NECAB2: variants seen among roughly 807,000 people sequenced by gnomAD.
NECAB2 encodes N-terminal EF-hand calcium binding protein 2.
In NECAB2, 68 loss-of-function variants were observed where a neutral mutation model predicts 51.9. The ratio of observed to expected loss-of-function variants is 1.31; its 90% CI spans 1.08 to 1.60. The LOEUF is 1.60. Ranked by LOEUF, NECAB2 falls within the 40% of genes most tolerant of loss-of-function variation. The pLI is 0.00. For synonymous variants in NECAB2, 329 were observed against 203.5 expected (o/e 1.62, Z -5.25); for missense variants, 854 against 490.3 (o/e 1.74, Z -7.00).
intron 6 of NECAB2, chr16:83,993,476 G>C (rs2084652013): frequency 6.5e-6 from 1 of 154,178 alleles, no homozygotes; most frequent in African/African-American, 2.4e-5. Context: ...CCGTGCACAG[G>C]GCACTCTGTG....
intron 6 of NECAB2, among the ~76,000 whole-genome samples, chr16:83,992,087 G>C (rs1430353396): frequency 6.6e-6 from 1 of 152,048 alleles, no homozygotes; most frequent in African/African-American, 2.4e-5. Flanking sequence ...CTTGAATCCT[G>C]AGGCTTGCCA....
At chr16:83,997,398 C>G (rs548840169) in intron 9 of NECAB2, 129 bp downstream of exon 9, 1 of 1,227,254 alleles carries the variant, frequency 8.1e-7, no homozygotes, top group Admixed American at 2.0e-5. Flanking sequence ...GAGATGTCGC[C>G]CAGCGCTTGG....
rs371448732 is a variant in NECAB2, at chr16:84,000,023, A to T, written c.963-701A>T. ...TGCCTCAGTGTCCTGCATCGCTGGG[A>T]TTACAGGGATGTGCCACCAGGCCCA... On this transcript the variant is annotated intron_variant, in intron 10 of 12. Coordinates refer to ENST00000305202, the MANE Select transcript of NECAB2 (RefSeq NM_019065.3). 3.8e-3 allele frequency among the ~76,000 whole-genome samples: 578 copies of T among 151,144 alleles called. 5 individuals carry two copies. The highest frequency in any genetic ancestry group is 0.013 in the African/African-American group (543 of 41,228).
chr16:84,001,589 G>C (rs924825517), intron 11 of NECAB2, among the ~76,000 whole-genome samples: 1 of 152,150 alleles, frequency 6.6e-6, no homozygotes, highest in Non-Finnish European at 1.5e-5. Flanking sequence ...TGTGCAATGA[G>C]TGGGGGGATC....
chr16:83,977,496 C>A (rs1377442247), intron 2 of NECAB2, among the ~76,000 whole-genome samples: 1 of 152,104 alleles, frequency 6.6e-6, no homozygotes, highest in African/African-American at 2.4e-5. Flanking sequence ...CCAAAAGTGT[C>A]CCCAGAGCAA....
rs764048325 is a variant in NECAB2, at chr16:83,981,044, C to T, written c.376C>T (p.His126Tyr). 2 of 1,614,116 alleles carry T rather than the reference C, an allele frequency of 1.2e-6. No homozygotes were observed. The highest frequency in any genetic ancestry group is 1.7e-5 in the Admixed American group (1 of 60,020). Reference protein sequence around the residue: ...TKELCDYFVDHMGDYEDVLAS... With the variant: ...TKELCDYFVDYMGDYEDVLAS... ...TCCTTCCCCAGATTACTTTGTGGAC[C>T]ACATGGGTGACTATGAGGATGTCCT... The change falls in exon 5 of 13, where the codon CAC (histidine) becomes TAC (tyrosine). Residue 126 changes from histidine to tyrosine, a missense_variant. By Grantham distance (83) the His-to-Tyr change is moderately conservative (BLOSUM62 2). Transcript: ENST00000305202.
At chr16:83,990,251 C>G (rs754062154) in intron 5 of NECAB2, among the ~76,000 whole-genome samples, 1 of 152,192 alleles carries the variant, frequency 6.6e-6, no homozygotes. Context: ...CCATTATACT[C>G]TGGGAGGTCA....
chr16:83,972,320 C>G (rs1284924398), intron 2 of NECAB2, 145 bp downstream of exon 2: 3 of 1,160,654 alleles, frequency 2.6e-6, no homozygotes, highest in Non-Finnish European at 3.7e-6. Flanking sequence ...CCAAATCCTG[C>G]TGCTGCTCTG....
intron 10 of NECAB2, among the ~76,000 whole-genome samples, chr16:83,999,254 G>T (rs1259410837): frequency 6.7e-6 from 1 of 149,102 alleles, no homozygotes; most frequent in South Asian, 2.1e-4. Flanking sequence ...CCATTCTTGA[G>T]TAAGTAGCCA....
rs764346302 is a variant in NECAB2, at chr16:83,997,262, C to T, written c.842C>T (p.Thr281Ile). 7 of 1,614,000 alleles carry T rather than the reference C, an allele frequency of 4.3e-6. No homozygotes were observed. The Admixed American group carries it at 5.0e-5, about 12-fold the overall frequency. The part of the protein sequence containing the change: ...LQQRLSDEDG[T>I]NMHLQLVRQE... ...CAGCGCCTGTCAGATGAAGATGGCA[C>T]CAACATGGTGAGGCCCCTTCCCACC... The change falls in exon 9 of 13, where the codon ACC becomes ATC. Residue 281 changes from threonine (T) to isoleucine (I), a missense_variant. Coordinates refer to ENST00000305202, the MANE Select transcript of NECAB2 (RefSeq NM_019065.3).
At chr16:83,991,894 A>G (rs1419546355) in intron 6 of NECAB2, among the ~76,000 whole-genome samples, 3 of 150,932 alleles carry the variant, frequency 2.0e-5, no homozygotes, top group South Asian at 2.1e-4. Flanking sequence ...GGTCTCAGCA[A>G]TCCTGCTGTC....
intron 11 of NECAB2, 29 bp downstream of exon 11, chr16:84,000,830 A>G (rs199640425): frequency 3.6e-6 from 5 of 1,400,672 alleles, no homozygotes; most frequent in Non-Finnish European, 4.9e-6. Flanking sequence ...ACAGCAGGTG[A>G]GGGAGACAGA....
At position 84,000,839 on chromosome 16, in the gene NECAB2, G is replaced by C. The variant is rs377315082; in HGVS notation, c.1040+38G>C. ...GTCCCCACAGCAGGTGAGGGAGACA[G>C]AGGGAAGTGGGGGGGCTGTCTTCCT... On this transcript the variant is annotated intron_variant, in intron 11 of 12. Coordinates refer to ENST00000305202, the MANE Select transcript of NECAB2 (RefSeq NM_019065.3). 5 of 1,396,674 alleles carry C rather than the reference G, an allele frequency of 3.6e-6. No individual in the cohort carries two copies. The African/African-American group carries it at 4.4e-5, about 12-fold the overall frequency. 86.5% of individuals were successfully genotyped at this position (1,396,674 alleles called of 1,614,324 possible).
intron 6 of NECAB2, chr16:83,993,756 GCCGGGAGATGGGGCCAGGC>G (rs2084656681): frequency 6.2e-6 from 1 of 160,808 alleles, no homozygotes; most frequent in South Asian, 1.6e-4. Context: ...GGTGTCCAGG[GCCGGGAGATGGGGCCAGGC>G]CCAGGTCAGG....
chr16:83,978,675 G>T, intron 3 of NECAB2, 123 bp downstream of exon 3: 1 of 810,182 alleles, frequency 1.2e-6, no homozygotes, highest in Non-Finnish European at 2.0e-6. Context: ...CCCCAAATTT[G>T]CTAATCCAGA....
At position 84,002,507 on chromosome 16, in the gene NECAB2, C is replaced by G. The variant is rs2084858951; in HGVS notation, c.*161C>G. 1 of 905,854 alleles carries G rather than the reference C, an allele frequency of 1.1e-6. No homozygotes were observed. Among genetic ancestry groups the G allele is most frequent in the African/African-American group, 1.7e-5 (1 of 59,922 alleles). 56.1% of individuals were successfully genotyped at this position (905,854 alleles called of 1,614,324 possible). On this transcript the variant is annotated 3_prime_UTR_variant, in exon 13 of 13. Transcript: ENST00000305202. Reference sequence around the variant, plus strand: ...GTTAAGTGAAGGAGGCCGCCCCTGCCCCCACCTGAGAAGGCAGAGCAGTGT... The same window carrying G: ...GTTAAGTGAAGGAGGCCGCCCCTGCGCCCACCTGAGAAGGCAGAGCAGTGT...
At chr16:83,998,431 C>T (rs1054934173) in intron 10 of NECAB2, 114 bp downstream of exon 10, 2 of 949,538 alleles carry the variant, frequency 2.1e-6, no homozygotes, top group African/African-American at 1.6e-5. Flanking sequence ...ACCCCAGGGA[C>T]ACACACAGCT....
chr16:83,990,868 A>G (rs879372320), intron 6 of NECAB2, among the ~76,000 whole-genome samples: 5 of 152,164 alleles, frequency 3.3e-5, no homozygotes, highest in Non-Finnish European at 7.3e-5. Flanking sequence ...TGCCTGGTGT[A>G]CATATTTATT....
Position 84,001,914 on chromosome 16 carries a change from C to G in NECAB2, c.1130C>G (p.Pro377Arg). ...GAGGCCCTCTCCAGGATCTTGGTGCCAGGTAGGGGGCAAAGGCCTGGAACT... is the reference window on the plus strand; with the variant it reads ...GAGGCCCTCTCCAGGATCTTGGTGCGAGGTAGGGGGCAAAGGCCTGGAACT... The part of the protein sequence containing the change: ...QPEALSRILV[P>R]AAWCTVGRD Residue 377 changes from proline to arginine, a missense_variant and splice_region_variant, in exon 12 of 13, where the codon CCA becomes CGA. Transcript: ENST00000305202. 10 of 1,613,868 alleles carry G rather than the reference C, an allele frequency of 6.2e-6. No individual in the cohort carries two copies. Among genetic ancestry groups the G allele is most frequent in the Non-Finnish European group, 8.5e-6 (10 of 1,179,856 alleles).
Sources: gnomAD v4.1 joint callset for allele counts (sites outside exome capture counted in the v4.1 genomes callset) on GRCh38, gnomAD v4.1.1 for gene constraint, MANE v1.5 for transcripts, NCBI Gene and HGNC (gene_info 2026-07-23, HGNC 2026-07-21) for gene names.